Variants in KCTD8 observed in about 807,000 individuals in gnomAD.
KCTD8 encodes BTB/POZ domain-containing protein KCTD8.
In KCTD8, 27 loss-of-function variants were observed where a neutral mutation model predicts 31.5. The ratio of observed to expected loss-of-function variants is 0.86; its 90% CI spans 0.63 to 1.18. KCTD8 has a LOEUF of 1.18. Among genes scored for constraint, KCTD8 ranks in the 50% most tolerant of loss-of-function variants. The pLI is 0.00. For missense variants in KCTD8, 658 were observed against 647.7 expected (o/e 1.02, Z -0.17); for synonymous variants, 290 against 280.0 (o/e 1.04, Z -0.36).
At chr4:44,369,058 C>A (rs1360654604) in intron 1 of KCTD8, among the ~76,000 whole-genome samples, 1 of 151,886 alleles carries the variant, frequency 6.6e-6, no homozygotes, top group Non-Finnish European at 1.5e-5. Flanking sequence ...TGAATGCATA[C>A]CAGTATAAGG....
At chr4:44,436,240 A>C in intron 1 of KCTD8, among the ~76,000 whole-genome samples, 1 of 152,100 alleles carries the variant, frequency 6.6e-6, no homozygotes, top group Admixed American at 6.6e-5. Context: ...ATGTCCACTT[A>C]CACAAAATAT....
intron 1 of KCTD8, among the ~76,000 whole-genome samples, chr4:44,409,208 T>G (rs1720894193): frequency 7.7e-6 from 1 of 129,362 alleles, no homozygotes. Context: ...GGCAATAGAG[T>G]GAGATCCTGT....
At chr4:44,230,483 C>T (rs1410231390) in intron 1 of KCTD8, among the ~76,000 whole-genome samples, 3 of 152,096 alleles carry the variant, frequency 2.0e-5, no homozygotes, top group Non-Finnish European at 4.4e-5. Context: ...TAGTTATTCC[C>T]AAGTGAATGG....
intron 1 of KCTD8, among the ~76,000 whole-genome samples, chr4:44,305,046 A>C (rs1010944456): frequency 2.4e-4 from 36 of 152,046 alleles, no homozygotes; most frequent in African/African-American, 8.2e-4. Flanking sequence ...ATAGTATAAG[A>C]ATATTTTATG....
In KCTD8 at chr4:44,285,248, C is replaced by G. The variant is rs181568932; in HGVS notation, c.962-109998G>C. ...AATTGTCCATCAATGGTAGACTGGACTAAGAAAATGTGGCACATATACACC... is the reference window on the plus strand; with the variant it reads ...AATTGTCCATCAATGGTAGACTGGAGTAAGAAAATGTGGCACATATACACC... On this transcript the variant is annotated intron_variant, in intron 1 of 1. Coordinates refer to ENST00000360029, the MANE Select transcript of KCTD8 (RefSeq NM_198353.3). Among the ~76,000 whole-genome samples the G allele has an allele frequency of 2.5e-3, 383 of 152,148 alleles. 1 individual carries two copies. Among genetic ancestry groups the G allele is most frequent in the African/African-American group, 8.5e-3 (352 of 41,510 alleles).
At chr4:44,301,851 T>G (rs996919582) in intron 1 of KCTD8, among the ~76,000 whole-genome samples, 6 of 152,176 alleles carry the variant, frequency 3.9e-5, no homozygotes, top group South Asian at 2.1e-4. Context: ...ATGGTTTTAG[T>G]TCTAACATTT....
Position 44,222,985 on chromosome 4 carries a change from T to C in KCTD8, c.962-47735A>G, listed in dbSNP as rs185960674. 2.7e-3 allele frequency among the ~76,000 whole-genome samples: 417 copies of C among 152,284 alleles called. 3 individuals are homozygous for C. Among genetic ancestry groups the C allele is most frequent in the Admixed American group, 4.0e-3 (61 of 15,294 alleles). ...GGAATACAGATTTATTCCAATTCAATAGAAAATCATTGAATAGTGCTAACC... is the reference window on the plus strand; with the variant it reads ...GGAATACAGATTTATTCCAATTCAACAGAAAATCATTGAATAGTGCTAACC... On this transcript the variant is annotated intron_variant, in intron 1 of 1. Coordinates refer to ENST00000360029, the MANE Select transcript of KCTD8 (RefSeq NM_198353.3).
intron 1 of KCTD8, among the ~76,000 whole-genome samples, chr4:44,445,841 A>G (rs989960441): frequency 6.6e-6 from 1 of 152,216 alleles, no homozygotes; most frequent in Non-Finnish European, 1.5e-5. Flanking sequence ...TAAAATCTAA[A>G]AAGTTGTTGA....
At chr4:44,254,345 G>T (rs1342279743) in intron 1 of KCTD8, among the ~76,000 whole-genome samples, 1 of 151,894 alleles carries the variant, frequency 6.6e-6, no homozygotes, top group Admixed American at 6.6e-5. Flanking sequence ...ATCAAATATA[G>T]TTTTTTACAG....
chr4:44,288,625 G>A (rs185488129), intron 1 of KCTD8, among the ~76,000 whole-genome samples: 227 of 152,084 alleles, frequency 1.5e-3, no homozygotes, highest in African/African-American at 4.9e-3. Context: ...TAAATTTACA[G>A]GTAACTTTTT....
intron 1 of KCTD8, among the ~76,000 whole-genome samples, chr4:44,254,908 C>G (rs951111033): frequency 6.6e-6 from 1 of 151,782 alleles, no homozygotes; most frequent in African/African-American, 2.4e-5. Flanking sequence ...TTTGTGGGAA[C>G]ATTTTATTTA....
intron 1 of KCTD8, among the ~76,000 whole-genome samples, chr4:44,219,545 C>T (rs904598401): frequency 8.5e-5 from 13 of 152,064 alleles, no homozygotes; most frequent in African/African-American, 2.9e-4. Context: ...GAGTTATACA[C>T]CTGAAAGTCA....
At chr4:44,441,245 A>AT (rs1313198186) in intron 1 of KCTD8, among the ~76,000 whole-genome samples, 1 of 151,976 alleles carries the variant, frequency 6.6e-6, no homozygotes, top group Non-Finnish European at 1.5e-5. Context: ...TACTAAAAAA[A>AT]AAATACACTT....
intron 1 of KCTD8, among the ~76,000 whole-genome samples, chr4:44,205,306 A>C (rs1173491790): frequency 6.6e-6 from 1 of 152,232 alleles, no homozygotes; most frequent in Non-Finnish European, 1.5e-5. Flanking sequence ...GGAAAGTTAC[A>C]TCAGTGAAGT....
In KCTD8 at chr4:44,355,153, A is replaced by G. The variant is rs550032987; in HGVS notation, c.961+92410T>C. The stretch of plus-strand genomic sequence containing the variant: ...ATGAAAACTGTCTCCAGATAATTAA[A>G]GTTTACTCCCGTATTCGACAAAGCA... On this transcript the variant is annotated intron_variant, in intron 1 of 1. Coordinates refer to ENST00000360029, the MANE Select transcript of KCTD8 (RefSeq NM_198353.3). 3.9e-5 allele frequency among the ~76,000 whole-genome samples: 6 copies of G among 152,296 alleles called. No homozygotes were observed. The South Asian group carries it at 1.2e-3, about 32-fold the overall frequency.
At chr4:44,268,688 C>A (rs906226757) in intron 1 of KCTD8, among the ~76,000 whole-genome samples, 5 of 152,202 alleles carry the variant, frequency 3.3e-5, no homozygotes, top group Non-Finnish European at 7.3e-5. Flanking sequence ...TAAGCAACTT[C>A]AGCAAAGTCT....
At chr4:44,368,026 A>T (rs1719687283) in intron 1 of KCTD8, among the ~76,000 whole-genome samples, 1 of 152,204 alleles carries the variant, frequency 6.6e-6, no homozygotes, top group African/African-American at 2.4e-5. Context: ...CAAGATTTTC[A>T]GACAACATAT....
intron 1 of KCTD8, among the ~76,000 whole-genome samples, chr4:44,420,567 A>G (rs1224656264): frequency 2.0e-5 from 3 of 152,188 alleles, no homozygotes; most frequent in Non-Finnish European, 2.9e-5. Flanking sequence ...AGAGTAGGCC[A>G]TAATTTGAAC....
At chr4:44,226,148 C>T (rs1285538137) in intron 1 of KCTD8, among the ~76,000 whole-genome samples, 3 of 151,956 alleles carry the variant, frequency 2.0e-5, no homozygotes, top group Non-Finnish European at 4.4e-5. Flanking sequence ...AGGTTTTAAG[C>T]CTCATTTGCA....
Sources: allele counts gnomAD v4.1 joint callset (sites outside exome capture counted in the v4.1 genomes callset), GRCh38; gene constraint gnomAD v4.1.1; transcripts MANE v1.5; gene names NCBI Gene and HGNC (gene_info 2026-07-23, HGNC 2026-07-21).